Variants in CYTH3 observed in about 807,000 individuals in gnomAD.
CYTH3 encodes the protein cytohesin 3, also known as cytohesin-3.
A neutral mutation model predicts 55.1 loss-of-function variants in CYTH3; 23 were observed. The ratio of observed to expected loss-of-function variants is 0.42; its 90% CI spans 0.30 to 0.59. CYTH3 has a LOEUF of 0.59. Among genes scored for constraint, CYTH3 ranks in the 20% least tolerant of loss-of-function variants. The probability of loss-of-function intolerance (pLI) is 0.20; values close to 1 mark genes in which losing one functional copy is unlikely to be tolerated. For missense variants in CYTH3, 413 were observed against 524.8 expected (o/e 0.79, Z 2.08); for synonymous variants, 249 against 194.9 (o/e 1.28, Z -2.31).
chr7:6,165,931 T>G, intron 9 of CYTH3, 121 bp from the exon 10 acceptor site: 1 of 927,780 alleles, frequency 1.1e-6, no homozygotes, highest in South Asian at 1.5e-5. Flanking sequence ...GCGCCAGGCT[T>G]GGGTTCAGGT....
chr7:6,255,760 T>C (rs369353332), intron 1 of CYTH3, among the ~76,000 whole-genome samples: 10 of 110,912 alleles, frequency 9.0e-5, no homozygotes, highest in Admixed American at 1.8e-4. Flanking sequence ...TTTAATCTGT[T>C]TTTTTTTTTT....
intron 5 of CYTH3, among the ~76,000 whole-genome samples, chr7:6,174,826 C>A (rs567452597): frequency 6.6e-6 from 1 of 152,180 alleles, no homozygotes; most frequent in African/African-American, 2.4e-5. Flanking sequence ...GGATTACAGG[C>A]CTGAGCCGCC....
At position 6,272,476 on chromosome 7, in the gene CYTH3, C is replaced by A; in HGVS notation, c.32G>T (p.Gly11Val). 2.9e-6 allele frequency: 4 copies of A among 1,371,772 alleles called. No homozygotes were observed. Among genetic ancestry groups the A allele is most frequent in the Non-Finnish European group, 2.8e-6 (3 of 1,053,248 alleles). 85.0% of individuals were successfully genotyped at this position (1,371,772 alleles called of 1,614,324 possible). The change falls in exon 1 of 13, where the codon GGC (glycine) becomes GTC (valine). Residue 11 changes from glycine to valine, a missense_variant and splice_region_variant. By Grantham distance (109) the Gly-to-Val change is moderately radical (BLOSUM62 -3). Coordinates refer to ENST00000350796, the MANE Select transcript of CYTH3 (RefSeq NM_004227.4). MDEDGGGEGG[G>V]VPEDLSLEER... ...CCCACCACACCTCCGACACTCACCG[C>A]CACCACCCTCGCCGCCGCCGTCTTC...
rs1269198767 is a variant in CYTH3 at position 6,161,825 on chromosome 7, A to G, written c.*3119T>C. 6.6e-6 allele frequency: 1 copy of G among 152,580 alleles called. No individual in the cohort carries two copies. The highest frequency in any genetic ancestry group is 2.4e-5 in the African/African-American group (1 of 41,450). 9.5% of individuals were successfully genotyped at this position (152,580 alleles called of 1,614,324 possible). A position where few individuals can be genotyped will look rare whatever the true frequency, so the allele number is the denominator to read the frequency against. On this transcript the variant is annotated 3_prime_UTR_variant, in exon 13 of 13. Transcript: ENST00000350796. The stretch of plus-strand genomic sequence containing the variant: ...TTATTTAGTGAACACAGTATCTGCA[A>G]GAGCTCTGACAGCCATCCACCCTCC...
In CYTH3 at chr7:6,171,045, G is replaced by C. The variant is rs1166034780; in HGVS notation, c.563-67C>G. The C allele has an allele frequency of 5.6e-6, 9 of 1,601,582 alleles. No homozygotes were observed. Among genetic ancestry groups the C allele is most frequent in the Non-Finnish European group, 7.7e-6 (9 of 1,172,858 alleles). On this transcript the variant is annotated intron_variant, in intron 7 of 12. Transcript: ENST00000350796. This position sits in a 1 kb window ranked among gnomAD's most constrained non-coding sequence, Gnocchi z 6.7. Reference sequence around the variant, plus strand: ...GTGGACAGTGGGACCCCGCGTGCTGGGGGCCCGCCTGCAAGAGGTGCCCGG... The same window carrying C: ...GTGGACAGTGGGACCCCGCGTGCTGCGGGCCCGCCTGCAAGAGGTGCCCGG...
intron 1 of CYTH3, among the ~76,000 whole-genome samples, chr7:6,201,108 T>C (rs770217472): frequency 5.6e-4 from 85 of 152,182 alleles, no homozygotes; most frequent in Non-Finnish European, 8.1e-4. Context: ...AGCAGTATGA[T>C]GACACGCAGA....
chr7:6,181,192 TA>T (rs999291720), intron 4 of CYTH3, among the ~76,000 whole-genome samples: 4 of 152,206 alleles, frequency 2.6e-5, no homozygotes, highest in African/African-American at 7.2e-5. Flanking sequence ...AATTTGGACT[TA>T]AAAAAAATCT....
intron 1 of CYTH3, among the ~76,000 whole-genome samples, chr7:6,228,385 G>C (rs1779303584): frequency 6.6e-6 from 1 of 152,150 alleles, no homozygotes; most frequent in African/African-American, 2.4e-5. Context: ...CCAGGGCCCT[G>C]TTCAAAATAC....
At chr7:6,271,803 G>A (rs535236634) in intron 1 of CYTH3, among the ~76,000 whole-genome samples, 1 of 152,294 alleles carries the variant, frequency 6.6e-6, no homozygotes, top group South Asian at 2.1e-4. Flanking sequence ...TGTGCTGGGT[G>A]CAGCTCGTGT....
In CYTH3 at chr7:6,169,531, A is replaced by T. The variant is rs569292843; in HGVS notation, c.823+1004T>A. Among the ~76,000 whole-genome samples the T allele has an allele frequency of 1.4e-3, 213 of 152,232 alleles. 1 individual carries two copies. Among genetic ancestry groups the T allele is most frequent in the African/African-American group, 4.9e-3 (205 of 41,532 alleles). Reference sequence around the variant, plus strand: ...CGGCTGATAAAATTTTTAAAAAATCACCAGGATGCTCCACTCCATGTCTCA... The same window carrying T: ...CGGCTGATAAAATTTTTAAAAAATCTCCAGGATGCTCCACTCCATGTCTCA... On this transcript the variant is annotated intron_variant, in intron 9 of 12. Transcript: ENST00000350796. This position sits in a 1 kb window ranked among gnomAD's most constrained non-coding sequence, Gnocchi z 4.1.
chr7:6,165,459 G>T, intron 11 of CYTH3, 32 bp from the exon 12 acceptor site: 1 of 1,608,828 alleles, frequency 6.2e-7, no homozygotes, highest in South Asian at 1.1e-5. Flanking sequence ...GAGGCGGTCA[G>T]GGGGGCTTGG....
At chr7:6,253,308 C>CCT (rs1239312219) in intron 1 of CYTH3, among the ~76,000 whole-genome samples, 1 of 151,298 alleles carries the variant, frequency 6.6e-6, no homozygotes, top group Non-Finnish European at 1.5e-5. Context: ...ACCTCTGCCT[C>CCT]CTGGGTTCAA....
intron 1 of CYTH3, among the ~76,000 whole-genome samples, chr7:6,264,118 G>A (rs1780424424): frequency 6.6e-6 from 1 of 151,722 alleles, no homozygotes; most frequent in African/African-American, 2.4e-5. Flanking sequence ...ATGATGGCGG[G>A]CACCTGTAAT....
chr7:6,161,894 C>G lies in CYTH3; in HGVS notation c.*3050G>C, dbSNP rs901240933. The G allele has an allele frequency of 1.3e-5, 2 of 152,558 alleles. No homozygotes were observed. The highest frequency in any genetic ancestry group is 4.8e-5 in the African/African-American group (2 of 41,418). The allele number at this position is 152,558 out of a possible 1,614,324, so 9.5% of individuals were successfully genotyped here. A position where few individuals can be genotyped will look rare whatever the true frequency, so the allele number is the denominator to read the frequency against. ...AACCAAGTATCAATAGAGGCTGTTC[C>G]TTCATGCGAGCTGTGGGAGTATATA... On this transcript the variant is annotated 3_prime_UTR_variant, in exon 13 of 13. Transcript: ENST00000350796.
chr7:6,188,527 G>C (rs998903786), intron 2 of CYTH3, among the ~76,000 whole-genome samples: 2 of 151,558 alleles, frequency 1.3e-5, no homozygotes, highest in African/African-American at 4.9e-5. Flanking sequence ...TCAGGCTGAA[G>C]CTCAGGTGTG....
chr7:6,234,316 A>G (rs1339538122), intron 1 of CYTH3, among the ~76,000 whole-genome samples: 1 of 152,174 alleles, frequency 6.6e-6, no homozygotes, highest in Non-Finnish European at 1.5e-5. Flanking sequence ...TGGAAAAAGA[A>G]GAGAAGTATC....
intron 1 of CYTH3, among the ~76,000 whole-genome samples, chr7:6,250,165 C>T (rs1779925827): frequency 1.3e-5 from 2 of 152,094 alleles, no homozygotes; most frequent in African/African-American, 2.4e-5. Context: ...TTCAGTATGG[C>T]TCCCTTGGGG....
chr7:6,240,670 C>A (rs1779650378), intron 1 of CYTH3, among the ~76,000 whole-genome samples: 1 of 152,110 alleles, frequency 6.6e-6, no homozygotes, highest in Non-Finnish European at 1.5e-5. Flanking sequence ...CCTCACGCCA[C>A]ACATCAGAAT....
intron 1 of CYTH3, among the ~76,000 whole-genome samples, chr7:6,201,085 T>C (rs1342096534): frequency 6.6e-6 from 1 of 152,182 alleles, no homozygotes; most frequent in Non-Finnish European, 1.5e-5. Flanking sequence ...CATGAGTTTC[T>C]GGAGACTACT....
Sources: gnomAD v4.1 joint callset for allele counts (sites outside exome capture counted in the v4.1 genomes callset) on GRCh38, gnomAD v4.1.1 for gene constraint, Gnocchi (gnomAD v3.1) non-coding constraint, MANE v1.5 for transcripts, NCBI Gene and HGNC (gene_info 2026-07-23, HGNC 2026-07-21) for gene names.